Variants in GALNT18 observed in about 807,000 individuals in gnomAD.
The protein encoded by GALNT18 is polypeptide N-acetylgalactosaminyltransferase 18, also known as GalNAc-transferase 18.
Under a neutral mutation model 69.5 loss-of-function variants are expected in GALNT18, and 44 were observed. The ratio of observed to expected loss-of-function variants is 0.63; its 90% confidence interval spans 0.50 to 0.81. The LOEUF is 0.81. Among genes scored for constraint, GALNT18 ranks in the 40% least tolerant of loss-of-function variants. GALNT18 has a pLI of 0.00. For missense variants in GALNT18, 715 were observed against 810.0 expected (o/e 0.88, Z 1.42); for synonymous variants, 364 against 318.2 (o/e 1.14, Z -1.53).
At position 11,590,784 on chromosome 11, in the gene GALNT18, G is replaced by A. The variant is rs1859338685; in HGVS notation, c.235+30575C>T. The stretch of plus-strand genomic sequence containing the variant: ...ACATCACAGCCATCCTTATGTCACA[G>A]CACAATGCATTCCTCAGGTGTTTGT... On this transcript the variant is annotated intron_variant, in intron 1 of 10. Coordinates refer to ENST00000227756, the MANE Select transcript of GALNT18 (RefSeq NM_198516.3). This position sits in a 1 kb window ranked among gnomAD's most constrained non-coding sequence, Gnocchi z 4.4. 6.6e-6 allele frequency among the ~76,000 whole-genome samples: 1 copy of A among 152,122 alleles called. No homozygotes were observed. Among genetic ancestry groups the A allele is most frequent in the South Asian group, 2.1e-4 (1 of 4,822 alleles).
chr11:11,379,010 T>C, intron 4 of GALNT18, 71 bp downstream of exon 4: 1 of 1,363,878 alleles, frequency 7.3e-7, no homozygotes, highest in Non-Finnish European at 9.8e-7. Context: ...GATCCTAGCA[T>C]GCTTTGCACT....
intron 2 of GALNT18, among the ~76,000 whole-genome samples, chr11:11,434,187 A>G (rs1394560125): frequency 6.6e-6 from 1 of 152,172 alleles, no homozygotes; most frequent in Non-Finnish European, 1.5e-5. Flanking sequence ...CCAGAAATTT[A>G]CAGAAACTTT....
At chr11:11,362,951 C>T (rs374931328) in intron 6 of GALNT18, among the ~76,000 whole-genome samples, 8 of 152,092 alleles carry the variant, frequency 5.3e-5, no homozygotes, top group East Asian at 1.9e-4. Flanking sequence ...AAAATGTTTA[C>T]GCATTTGAGT....
At chr11:11,325,986 T>C (rs1041127516) in intron 9 of GALNT18, among the ~76,000 whole-genome samples, 1 of 152,146 alleles carries the variant, frequency 6.6e-6, no homozygotes, top group African/African-American at 2.4e-5. Context: ...ATAGCTCTTT[T>C]AAACCCTCTT....
In GALNT18 at chr11:11,416,246, C is replaced by T. The variant is rs187470886; in HGVS notation, c.595+16375G>A. Among the ~76,000 whole-genome samples the T allele has an allele frequency of 3.3e-4, 51 of 152,294 alleles. 2 individuals carry two copies. The highest frequency in any genetic ancestry group is 1.4e-3 in the Admixed American group (21 of 15,306). ...CCACTGGGTAGCCTGGCATTAAAAT[C>T]GTCCCTGCATTGCTGGAATTTTCTG... On this transcript the variant is annotated intron_variant, in intron 3 of 10. Coordinates refer to ENST00000227756, the MANE Select transcript of GALNT18 (RefSeq NM_198516.3).
At chr11:11,551,637 G>A (rs527242834) in intron 1 of GALNT18, among the ~76,000 whole-genome samples, 4 of 152,284 alleles carry the variant, frequency 2.6e-5, no homozygotes, top group Admixed American at 1.3e-4. Flanking sequence ...AGAGCCACCA[G>A]GTAACTGCCC....
rs1850045790 is a variant in GALNT18 at position 11,332,954 on chromosome 11, G to A, written c.1279-123C>T. 1 of 1,054,812 alleles carries A rather than the reference G, an allele frequency of 9.5e-7. No individual in the cohort carries two copies. Among genetic ancestry groups the A allele is most frequent in the East Asian group, 2.4e-5 (1 of 41,016 alleles). 65.3% of individuals were successfully genotyped at this position (1,054,812 alleles called of 1,614,324 possible). ...CTAGAGACTGGGGAAGGGACCATGT[G>A]GCACGTTAACTCTTGCATTTTCCCA... On this transcript the variant is annotated intron_variant, in intron 7 of 10. Transcript: ENST00000227756. The surrounding 1 kb of genome is among the most constrained non-coding windows in gnomAD (Gnocchi z 4.3).
At chr11:11,366,489 G>C (rs997793768) in intron 6 of GALNT18, among the ~76,000 whole-genome samples, 1 of 152,028 alleles carries the variant, frequency 6.6e-6, no homozygotes, top group African/African-American at 2.4e-5. Flanking sequence ...ATAATGATTA[G>C]AATAATGAGA....
chr11:11,515,004 C>T (rs1857242557), intron 1 of GALNT18, among the ~76,000 whole-genome samples: 1 of 152,186 alleles, frequency 6.6e-6, no homozygotes, highest in Admixed American at 6.5e-5. Flanking sequence ...GCCAACTGTG[C>T]ACTACGCTTG....
rs1859629950 is a variant in GALNT18 at position 11,601,357 on chromosome 11, A to G, written c.235+20002T>C. On this transcript the variant is annotated intron_variant, in intron 1 of 10. Coordinates refer to ENST00000227756, the MANE Select transcript of GALNT18 (RefSeq NM_198516.3). This position sits in a 1 kb window ranked among gnomAD's most constrained non-coding sequence, Gnocchi z 4.0. ...CCCCCAACAGTGTGTAGTCTCTAAT[A>G]CTACTTCTTGAAGGTGAAACCTTAG... Among the ~76,000 whole-genome samples, 1 of 152,104 alleles carries G rather than the reference A, an allele frequency of 6.6e-6. No individual in the cohort carries two copies.
chr11:11,540,307 T>C lies in GALNT18; in HGVS notation c.235+81052A>G, dbSNP rs571164784. On this transcript the variant is annotated intron_variant, in intron 1 of 10. Coordinates refer to ENST00000227756, the MANE Select transcript of GALNT18 (RefSeq NM_198516.3). This position sits in a 1 kb window ranked among gnomAD's most constrained non-coding sequence, Gnocchi z 4.6. ...CCTGGAAGGTGCAGGATAAATGTTT[T>C]TCTTCGTCGTTGCCATGGAAACTTG... Among the ~76,000 whole-genome samples the C allele has an allele frequency of 6.6e-6, 1 of 152,170 alleles. No individual in the cohort carries two copies. The highest frequency in any genetic ancestry group is 1.5e-5 in the Non-Finnish European group (1 of 68,036).
intron 7 of GALNT18, among the ~76,000 whole-genome samples, chr11:11,334,512 C>T (rs1850076503): frequency 6.7e-6 from 1 of 150,192 alleles, no homozygotes; most frequent in Non-Finnish European, 1.5e-5. Flanking sequence ...CATTGCACTC[C>T]AGCCTGGGCG....
chr11:11,350,875 A>T (rs533535517), intron 6 of GALNT18, among the ~76,000 whole-genome samples: 1 of 152,320 alleles, frequency 6.6e-6, no homozygotes, highest in East Asian at 1.9e-4. Context: ...CCTCCCAGCC[A>T]GCCTTCAGGG....
At chr11:11,507,222 C>T (rs900998534) in intron 1 of GALNT18, among the ~76,000 whole-genome samples, 1 of 152,090 alleles carries the variant, frequency 6.6e-6, no homozygotes, top group African/African-American at 2.4e-5. Flanking sequence ...CTCATTCATT[C>T]TAAACAAAAG....
At position 11,461,316 on chromosome 11, in the gene GALNT18, A is replaced by C. The variant is rs2054840; in HGVS notation, c.236-12380T>G. 0.19 allele frequency among the ~76,000 whole-genome samples: 29,594 copies of C among 152,140 alleles called. 3,132 individuals are homozygous for C. The highest frequency in any genetic ancestry group is 0.32 in the Middle Eastern group (94 of 294). On this transcript the variant is annotated intron_variant, in intron 1 of 10. Transcript: ENST00000227756. The surrounding 1 kb of genome is among the most constrained non-coding windows in gnomAD (Gnocchi z 4.1). The stretch of plus-strand genomic sequence containing the variant: ...CAGCATGTGCACACACACTCACAGA[A>C]GTGGAAATAGCCTTGATTAGAAATT...
At chr11:11,518,912 A>G (rs1432846950) in intron 1 of GALNT18, among the ~76,000 whole-genome samples, 1 of 152,228 alleles carries the variant, frequency 6.6e-6, no homozygotes, top group Non-Finnish European at 1.5e-5. Flanking sequence ...CTATGCCAGC[A>G]CTGCCAGGCT....
chr11:11,288,975 AAGG>A (rs1039518917), intron 10 of GALNT18, among the ~76,000 whole-genome samples: 14 of 152,192 alleles, frequency 9.2e-5, no homozygotes, highest in African/African-American at 3.4e-4. Flanking sequence ...TGAAACCAGA[AAGG>A]AGATTTGAAA....
At position 11,372,682 on chromosome 11, in the gene GALNT18, T is replaced by A; in HGVS notation, c.978-53A>T. 4 of 1,336,932 alleles carry A rather than the reference T, an allele frequency of 3.0e-6. No homozygotes were observed. The highest frequency in any genetic ancestry group is 4.3e-6 in the Non-Finnish European group (4 of 935,064). 82.8% of individuals were successfully genotyped at this position (1,336,932 alleles called of 1,614,324 possible). On this transcript the variant is annotated intron_variant, in intron 5 of 10. Coordinates refer to ENST00000227756, the MANE Select transcript of GALNT18 (RefSeq NM_198516.3). This position sits in a 1 kb window ranked among gnomAD's most constrained non-coding sequence, Gnocchi z 4.9. ...CTGTCTGGTGCAGCTGTCCGAGGAG[T>A]AAGAGCAGTAAGGCCTTCCTATCAG...
At chr11:11,272,876 G>A (rs1055694716) in intron 10 of GALNT18, among the ~76,000 whole-genome samples, 15 of 152,208 alleles carry the variant, frequency 9.9e-5, no homozygotes, top group Non-Finnish European at 1.6e-4. Context: ...ATCCAAGTCT[G>A]CCATGACCAT....
Sources: allele counts gnomAD v4.1 joint callset (sites outside exome capture counted in the v4.1 genomes callset), GRCh38; gene constraint gnomAD v4.1.1; non-coding constraint Gnocchi (gnomAD v3.1); transcripts MANE v1.5; gene names NCBI Gene and HGNC (gene_info 2026-07-23, HGNC 2026-07-21).